UTP20: variants seen among roughly 807,000 people sequenced by gnomAD.
UTP20 encodes the protein UTP20 small subunit processome component.
UTP20 carries 164 observed loss-of-function variants against 329.5 expected under a neutral mutation model. That is an observed-to-expected ratio of 0.50 (90% CI 0.44 to 0.57). UTP20 has a LOEUF of 0.57. Ranked by LOEUF, UTP20 falls within the 20% of genes least tolerant of loss-of-function variation. UTP20 has a pLI of 0.00. For missense variants in UTP20, 3,055 were observed against 3,284.2 expected, an observed-to-expected ratio of 0.93 and a Z score of 1.71; for synonymous variants, 1,151 against 1,159.3, an observed-to-expected ratio of 0.99 and a Z score of 0.14.
chr12:101,367,350 C>G (rs968429433), intron 47 of UTP20, among the ~76,000 whole-genome samples: 3 of 152,124 alleles, frequency 2.0e-5, no homozygotes, highest in African/African-American at 7.2e-5. Context: ...CTAATCATTT[C>G]CTTTTTAAAA....
In UTP20 at chr12:101,312,282, T is replaced by G; in HGVS notation, c.2552+6T>G. 3 of 1,613,574 alleles carry G rather than the reference T, an allele frequency of 1.9e-6. No homozygotes were observed. Among genetic ancestry groups the G allele is most frequent in the Non-Finnish European group, 2.5e-6 (3 of 1,179,872 alleles). On this transcript the variant is annotated splice_donor_region_variant and intron_variant, in intron 21 of 61. Coordinates refer to ENST00000261637, the MANE Select transcript of UTP20 (RefSeq NM_014503.3). ...CTTTTCTTGAGATTTATCAAGTAAG[T>G]TTCCTCTTCTAAGAATATGTCCCTG...
intron 41 of UTP20, among the ~76,000 whole-genome samples, chr12:101,356,043 G>T (rs1053986157): frequency 1.3e-5 from 2 of 152,162 alleles, no homozygotes; most frequent in African/African-American, 4.8e-5. Context: ...TTTTTAAAGG[G>T]TTATCCTCAA....
In UTP20 at chr12:101,340,595, T is replaced by A. The variant is rs372401630; in HGVS notation, c.4086T>A (p.Arg1362=). Reference sequence around the variant, plus strand: ...CGCTTCTCCTTCCATTCCTCCACCGTGGCAATATTGCTGAGGTACAAACTC... The same window carrying A: ...CGCTTCTCCTTCCATTCCTCCACCGAGGCAATATTGCTGAGGTACAAACTC... ...LITLLLPFLH[R]GNIAEDTEVD... Residue 1362 remains arginine (R), a synonymous_variant, in exon 32 of 62, where the codon CGT becomes CGA. Coordinates refer to ENST00000261637, the MANE Select transcript of UTP20 (RefSeq NM_014503.3). 25 of 1,610,438 alleles carry A rather than the reference T, an allele frequency of 1.6e-5. No homozygotes were observed. The highest frequency in any genetic ancestry group is 8.5e-6 in the Non-Finnish European group (10 of 1,177,674).
At chr12:101,342,360 G>T (rs958782048) in intron 32 of UTP20, 86 bp from the exon 33 acceptor site, 4 of 1,093,914 alleles carry the variant, frequency 3.7e-6, no homozygotes, top group African/African-American at 1.6e-5. Context: ...ATTCACAATT[G>T]TTTTCTATGC....
chr12:101,291,696 T>G, intron 8 of UTP20, 46 bp from the exon 9 acceptor site: 39 of 1,499,568 alleles, frequency 2.6e-5, no homozygotes, highest in Non-Finnish European at 3.0e-5. Flanking sequence ...GATTAACAGT[T>G]GAGTTTGATA....
rs4764643 is a variant in UTP20, at chr12:101,299,756, C to T, written c.1505C>T (p.Ser502Phe). 9 of 1,612,842 alleles carry T rather than the reference C, an allele frequency of 5.6e-6. No individual in the cohort carries two copies. The South Asian group carries it at 8.8e-5, about 16-fold the overall frequency. Residue 502 changes from serine (S) to phenylalanine (F), a missense_variant, in exon 13 of 62, where the codon TCT becomes TTT. Transcript: ENST00000261637. Reference protein sequence around the residue: ...EQFPVLDHLLSIIKLPPNKDT... With the variant: ...EQFPVLDHLLFIIKLPPNKDT... Reference sequence around the variant, plus strand: ...TTTCCAGTATTGGACCATCTTTTATCTATAATTAAGTTACCCCCAAATAAA... The same window carrying T: ...TTTCCAGTATTGGACCATCTTTTATTTATAATTAAGTTACCCCCAAATAAA...
chr12:101,363,800 A>C, intron 45 of UTP20, 57 bp downstream of exon 45: 1 of 1,183,588 alleles, frequency 8.4e-7, no homozygotes, highest in Non-Finnish European at 1.3e-6. Context: ...TGAGTTCCTA[A>C]AAGGAACCAT....
rs377455639 is a variant in UTP20, at chr12:101,363,698, T to C, written c.5913T>C (p.Phe1971=). 5.0e-6 allele frequency: 8 copies of C among 1,612,614 alleles called. No individual in the cohort carries two copies. The highest frequency in any genetic ancestry group is 6.8e-6 in the Non-Finnish European group (8 of 1,178,740). The change falls in exon 45 of 62, where the codon TTT becomes TTC. Residue 1971 remains phenylalanine, a synonymous_variant. Transcript: ENST00000261637. The part of the protein sequence containing the change: ...SYDSYEILGK[F]VGKDQVTKLI... ...ACTCTTATGAAATCCTCGGCAAGTTTGTAGGAAAAGATCAGGTTACAAAAC... is the reference window on the plus strand; with the variant it reads ...ACTCTTATGAAATCCTCGGCAAGTTCGTAGGAAAAGATCAGGTTACAAAAC...
intron 27 of UTP20, among the ~76,000 whole-genome samples, chr12:101,331,291 G>A (rs965655068): frequency 6.6e-6 from 1 of 152,322 alleles, no homozygotes; most frequent in South Asian, 2.1e-4. Flanking sequence ...ATGGGAGATG[G>A]ATGGGGAGTG....
At chr12:101,315,056 C>T (rs766944816) in intron 21 of UTP20, among the ~76,000 whole-genome samples, 7 of 152,104 alleles carry the variant, frequency 4.6e-5, no homozygotes. Context: ...CGTGCCACGG[C>T]ACTCCAACCT....
Position 101,386,375 on chromosome 12 carries a change from T to C in UTP20, c.*252T>C. ...GGCACACAACACTATGCCCGGCAAA[T>C]TTTTTGTATTTTGTATTTTTTGTAG... is the stretch of plus-strand genomic sequence containing the variant. On this transcript the variant is annotated 3_prime_UTR_variant, in exon 62 of 62. Coordinates refer to ENST00000261637, the MANE Select transcript of UTP20 (RefSeq NM_014503.3). The C allele has an allele frequency of 3.3e-6, 1 of 300,334 alleles. No individual in the cohort carries two copies. Among genetic ancestry groups the C allele is most frequent in the Non-Finnish European group, 6.0e-6 (1 of 165,336 alleles). The allele number at this position is 300,334 out of a possible 1,614,324, so 18.6% of individuals were successfully genotyped here. A position where few individuals can be genotyped will look rare whatever the true frequency, so the allele number is the denominator to read the frequency against.
At chr12:101,330,021 A>G (rs1161442797) in intron 27 of UTP20, among the ~76,000 whole-genome samples, 1 of 152,052 alleles carries the variant, frequency 6.6e-6, no homozygotes, top group Non-Finnish European at 1.5e-5. Context: ...AAAGAAAAAA[A>G]AAGGGACATT....
At chr12:101,353,229 C>T (rs1335166723) in intron 40 of UTP20, 100 bp downstream of exon 40, 3 of 700,274 alleles carry the variant, frequency 4.3e-6, no homozygotes, top group African/African-American at 3.5e-5. Context: ...TTCCCTTTGT[C>T]TGCTCTTACT....
chr12:101,318,221 AAAG>A (rs1308903743), intron 22 of UTP20, among the ~76,000 whole-genome samples: 1 of 152,170 alleles, frequency 6.6e-6, no homozygotes, highest in African/African-American at 2.4e-5. Context: ...TAGAAACCTA[AAAG>A]AAGAAGTGAT....
At chr12:101,373,252 A>G (rs1870351317) in intron 52 of UTP20, 149 bp from the exon 53 acceptor site, 2 of 741,874 alleles carry the variant, frequency 2.7e-6, no homozygotes, top group South Asian at 1.9e-5. Flanking sequence ...AGCTTAATGG[A>G]TACATACAAG....
chr12:101,308,161 C>G, intron 17 of UTP20, 24 bp from the exon 18 acceptor site: 3 of 1,546,568 alleles, frequency 1.9e-6, no homozygotes, highest in Non-Finnish European at 1.7e-6. Context: ...CTGGTCTTCT[C>G]CATGGTTTTC....
intron 22 of UTP20, 26 bp from the exon 23 acceptor site, chr12:101,319,519 A>G (rs1159679793): frequency 4.5e-6 from 7 of 1,546,414 alleles, no homozygotes; most frequent in African/African-American, 1.4e-5. Context: ...TAATTCTGTA[A>G]CACTCTCTGT....
chr12:101,317,362 A>G (rs1295292978), intron 21 of UTP20, 116 bp from the exon 22 acceptor site: 24 of 1,125,502 alleles, frequency 2.1e-5, no homozygotes, highest in Non-Finnish European at 2.3e-5. Context: ...AGGTACCACT[A>G]TGTCTCTTCA....
chr12:101,384,489 C>T (rs891918002), intron 60 of UTP20, among the ~76,000 whole-genome samples: 6 of 152,184 alleles, frequency 3.9e-5, no homozygotes, highest in African/African-American at 7.2e-5. Context: ...TTCAGTGAGC[C>T]GTGATTGCAC....
Sources: allele counts gnomAD v4.1 joint callset (sites outside exome capture counted in the v4.1 genomes callset), GRCh38; gene constraint gnomAD v4.1.1; transcripts MANE v1.5; gene names NCBI Gene and HGNC (gene_info 2026-07-23, HGNC 2026-07-21).